The following ZRANB3 variants were observed in gnomAD, a reference collection of about 807,000 sequenced individuals.
ZRANB3 encodes the protein zinc finger RANBP2-type containing 3, also known as DNA annealing helicase and endonuclease ZRANB3.
In ZRANB3, 125 loss-of-function variants were observed where a neutral mutation model predicts 133.8. That is an observed-to-expected ratio of 0.93 (90% CI 0.81 to 1.08). The LOEUF is 1.08. Ranked by LOEUF, ZRANB3 falls within the 50% of genes least tolerant of loss-of-function variation. ZRANB3 has a pLI of 0.00. For missense variants in ZRANB3, 1,229 were observed against 1,275.5 expected (o/e 0.96, Z 0.56); for synonymous variants, 387 against 432.7 (o/e 0.89, Z 1.31).
chr2:135,456,720 G>A (rs955198970), intron 2 of ZRANB3, among the ~76,000 whole-genome samples: 1 of 152,054 alleles, frequency 6.6e-6, no homozygotes, highest in Admixed American at 6.6e-5. Context: ...CTAGATGCCT[G>A]CCCAAAGAAT....
chr2:135,352,972 T>C (rs951551392), intron 4 of ZRANB3, among the ~76,000 whole-genome samples: 8 of 151,994 alleles, frequency 5.3e-5, no homozygotes, highest in Non-Finnish European at 1.0e-4. Flanking sequence ...GCAAATATTT[T>C]CAAGATATAA....
chr2:135,238,028 T>C (rs1695379426), intron 12 of ZRANB3, among the ~76,000 whole-genome samples: 1 of 152,354 alleles, frequency 6.6e-6, no homozygotes, highest in African/African-American at 2.4e-5. Context: ...TCAAGAAATG[T>C]TATTTCTTTT....
intron 2 of ZRANB3, among the ~76,000 whole-genome samples, chr2:135,447,758 G>A (rs1201432759): frequency 6.6e-6 from 1 of 152,120 alleles, no homozygotes; most frequent in African/African-American, 2.4e-5. Context: ...GCAATCTTCA[G>A]TAAATTTGCT....
chr2:135,241,180 C>G (rs1695532984), intron 12 of ZRANB3, among the ~76,000 whole-genome samples: 2 of 151,920 alleles, frequency 1.3e-5, no homozygotes, highest in South Asian at 4.1e-4. Flanking sequence ...TCTGGCATTC[C>G]TATTAGTAGA....
chr2:135,401,652 T>C (rs992842132), intron 2 of ZRANB3, among the ~76,000 whole-genome samples: 6 of 152,330 alleles, frequency 3.9e-5, no homozygotes, highest in Admixed American at 2.6e-4. Context: ...ACATGTCGTT[T>C]TGTCTTCTTC....
intron 12 of ZRANB3, among the ~76,000 whole-genome samples, chr2:135,235,338 A>G (rs1695237524): frequency 6.6e-6 from 1 of 152,236 alleles, no homozygotes; most frequent in Non-Finnish European, 1.5e-5. Context: ...ATGGATTCAC[A>G]GCCAAATTCT....
At chr2:135,459,032 T>C (rs1332462841) in intron 2 of ZRANB3, among the ~76,000 whole-genome samples, 1 of 152,184 alleles carries the variant, frequency 6.6e-6, no homozygotes, top group Non-Finnish European at 1.5e-5. Context: ...ATAAGCTAAC[T>C]TTTTTGAACC....
At chr2:135,230,226 C>A (rs1573715982) in intron 13 of ZRANB3, among the ~76,000 whole-genome samples, 1 of 152,204 alleles carries the variant, frequency 6.6e-6, no homozygotes, top group South Asian at 2.1e-4. Flanking sequence ...TCTATTCCTG[C>A]TCACTGAATT....
intron 2 of ZRANB3, among the ~76,000 whole-genome samples, chr2:135,479,533 G>C (rs952296172): frequency 6.6e-6 from 1 of 152,062 alleles, no homozygotes; most frequent in Non-Finnish European, 1.5e-5. Context: ...TACTCGGAAG[G>C]CTGAGGCGGG....
In ZRANB3 at chr2:135,230,867, G is replaced by A. The variant is rs773008733; in HGVS notation, c.1600C>T (p.Gln534Ter). The A allele has an allele frequency of 1.9e-6, 3 of 1,594,382 alleles. No homozygotes were observed. The part of the protein sequence containing the change: ...SFFVPQPKKR[Q>*]LMTSCDESKR... ...GATTCGTCACAGGAGGTCATCAACT[G>A]TCTTTTTTTAGGTTGTGGTACAAAA... is the stretch of plus-strand genomic sequence containing the variant. Residue 534 changes from glutamine (Q) to a stop codon, truncating the protein, a stop_gained, in exon 13 of 21, where the codon CAG (glutamine) becomes TAG (stop). Transcript: ENST00000264159. LOFTEE classifies it high-confidence loss of function.
chr2:135,243,074 G>A (rs1386487383), intron 12 of ZRANB3, among the ~76,000 whole-genome samples: 1 of 152,180 alleles, frequency 6.6e-6, no homozygotes, highest in Non-Finnish European at 1.5e-5. Context: ...ATGCTAAAAT[G>A]CTATCAGGAG....
intron 2 of ZRANB3, among the ~76,000 whole-genome samples, chr2:135,443,607 C>G (rs1478228034): frequency 6.6e-6 from 1 of 151,774 alleles, no homozygotes; most frequent in Middle Eastern, 3.2e-3. Context: ...CAAAGAGAAA[C>G]AGATGCAGCA....
intron 2 of ZRANB3, among the ~76,000 whole-genome samples, chr2:135,407,176 T>C (rs1251150279): frequency 4.6e-5 from 7 of 151,922 alleles, no homozygotes; most frequent in Admixed American, 2.0e-4. Context: ...TATACACCAA[T>C]AACAGACAAA....
In ZRANB3 at chr2:135,475,300, A is replaced by G. The variant is rs191637769; in HGVS notation, c.161+29029T>C. On this transcript the variant is annotated intron_variant, in intron 2 of 20. Transcript: ENST00000264159. ...ACATTGGGGTCCCATTTATGTCTTC[A>G]CTGCTAGAGAGGAACCTCTTCCTGC... Among the ~76,000 whole-genome samples, 69 of 152,314 alleles carry G rather than the reference A, an allele frequency of 4.5e-4. No individual in the cohort carries two copies. The East Asian group carries it at 9.4e-3, about 21-fold the overall frequency.
chr2:135,487,839 G>C (rs1219526180), intron 2 of ZRANB3, among the ~76,000 whole-genome samples: 2 of 152,166 alleles, frequency 1.3e-5, no homozygotes, highest in Non-Finnish European at 2.9e-5. Context: ...AGACTGTTTT[G>C]CTTTCTTATC....
intron 19 of ZRANB3, among the ~76,000 whole-genome samples, chr2:135,203,425 C>T (rs1014120103): frequency 3.3e-5 from 5 of 151,968 alleles, no homozygotes; most frequent in African/African-American, 9.7e-5. Context: ...CGAGACAATC[C>T]TGGCTAACAC....
chr2:135,489,232 T>C (rs1348085529), intron 2 of ZRANB3, among the ~76,000 whole-genome samples: 1 of 143,836 alleles, frequency 7.0e-6, no homozygotes, highest in African/African-American at 2.6e-5. Context: ...GTCAAATATG[T>C]TCTCACTCAT....
intron 2 of ZRANB3, among the ~76,000 whole-genome samples, chr2:135,482,672 A>G (rs898680177): frequency 6.6e-6 from 1 of 152,208 alleles, no homozygotes; most frequent in African/African-American, 2.4e-5. Flanking sequence ...GAATGGTGAG[A>G]GAGGGCATCC....
chr2:135,353,704 T>C (rs748338372), intron 3 of ZRANB3, 76 bp from the exon 4 acceptor site: 20 of 1,055,456 alleles, frequency 1.9e-5, no homozygotes, highest in Non-Finnish European at 2.4e-5. Flanking sequence ...AAACATTTTA[T>C]TTAAGAGTAT....
Sources: gnomAD v4.1 joint callset for allele counts (sites outside exome capture counted in the v4.1 genomes callset) on GRCh38, gnomAD v4.1.1 for gene constraint, MANE v1.5 for transcripts, NCBI Gene and HGNC (gene_info 2026-07-23, HGNC 2026-07-21) for gene names.